The following CELF4 variants were observed in gnomAD, a reference collection of about 807,000 sequenced individuals.
CELF4 encodes CUG-BP- and ETR-3-like factor 4.
A neutral mutation model predicts 59.9 loss-of-function variants in CELF4; 18 were observed. The ratio of observed to expected loss-of-function variants is 0.30; its 90% CI spans 0.21 to 0.45. The LOEUF is 0.45. CELF4 is among the 20% of genes least tolerant of loss of function. The pLI is 1.00. For missense variants in CELF4, 456 were observed against 689.0 expected, an observed-to-expected ratio of 0.66 and a Z score of 3.79; for synonymous variants, 261 against 267.1, an observed-to-expected ratio of 0.98 and a Z score of 0.22.
rs2066949532 is a variant in CELF4 at position 37,253,612 on chromosome 18, G to C, written c.*44+155C>G. Among the ~76,000 whole-genome samples the C allele has an allele frequency of 2.6e-5, 4 of 152,142 alleles. No individual in the cohort carries two copies. The stretch of plus-strand genomic sequence containing the variant: ...TCTGCCGGGGTGACGGCAGCTCTGC[G>C]CCTGGCCCGAGGAGCAGGGCGAGGA... On this transcript the variant is annotated intron_variant, in intron 12 of 12. Coordinates refer to ENST00000420428, the MANE Select transcript of CELF4 (RefSeq NM_020180.4). This position sits in a 1 kb window ranked among gnomAD's most constrained non-coding sequence, Gnocchi z 4.5.
intron 1 of CELF4, among the ~76,000 whole-genome samples, chr18:37,550,944 T>C (rs1391699997): frequency 6.6e-6 from 1 of 152,202 alleles, no homozygotes; most frequent in African/African-American, 2.4e-5. Flanking sequence ...CCCAGTTTGA[T>C]TTGTCAGACC....
intron 2 of CELF4, among the ~76,000 whole-genome samples, chr18:37,453,014 C>A (rs2099768460): frequency 6.6e-6 from 1 of 152,238 alleles, no homozygotes; most frequent in Non-Finnish European, 1.5e-5. Context: ...TCCAGACCCT[C>A]CAGATGAGGC....
At chr18:37,550,084 G>GGA (rs566946633) in intron 1 of CELF4, among the ~76,000 whole-genome samples, 1 of 58,796 alleles carries the variant, frequency 1.7e-5, no homozygotes, top group Non-Finnish European at 2.9e-5. Flanking sequence ...TCCAATGGGT[G>GGA]GGGGGGGGGG....
At chr18:37,425,157 C>T (rs2099603965) in intron 2 of CELF4, among the ~76,000 whole-genome samples, 1 of 152,252 alleles carries the variant, frequency 6.6e-6, no homozygotes, top group Non-Finnish European at 1.5e-5. Context: ...CTCTGGGTTT[C>T]CTGTTCTGCC....
At chr18:37,546,242 T>C (rs1015127687) in intron 1 of CELF4, among the ~76,000 whole-genome samples, 1 of 152,048 alleles carries the variant, frequency 6.6e-6, no homozygotes, top group Non-Finnish European at 1.5e-5. Flanking sequence ...TTGCATACAC[T>C]CAGCATGTAT....
At chr18:37,563,857 C>A (rs1334815143) in intron 1 of CELF4, among the ~76,000 whole-genome samples, 1 of 152,198 alleles carries the variant, frequency 6.6e-6, no homozygotes, top group Non-Finnish European at 1.5e-5. Flanking sequence ...AAACTGCTCT[C>A]TGGGACTCCA....
chr18:37,379,164 G>A (rs1428495290), intron 2 of CELF4, among the ~76,000 whole-genome samples: 2 of 152,170 alleles, frequency 1.3e-5, no homozygotes, highest in Non-Finnish European at 1.5e-5. Context: ...GGCCTAGGCA[G>A]GCACCTAGTG....
intron 1 of CELF4, among the ~76,000 whole-genome samples, chr18:37,506,128 G>A (rs1441805154): frequency 1.3e-5 from 2 of 151,492 alleles, no homozygotes; most frequent in African/African-American, 2.4e-5. Context: ...CTCTTAGGCG[G>A]GTGGCTGAGC....
At chr18:37,322,665 C>A (rs966017620) in intron 2 of CELF4, among the ~76,000 whole-genome samples, 5 of 152,308 alleles carry the variant, frequency 3.3e-5, no homozygotes, top group Middle Eastern at 3.4e-3. Flanking sequence ...GGCTTCAGGG[C>A]TCACCGGGAG....
intron 2 of CELF4, among the ~76,000 whole-genome samples, chr18:37,468,848 A>C (rs2154602482): frequency 6.6e-6 from 1 of 152,240 alleles, no homozygotes; most frequent in East Asian, 1.9e-4. Flanking sequence ...CACTATCACG[A>C]GAACAGCATG....
At chr18:37,385,354 C>A (rs150882473) in intron 2 of CELF4, among the ~76,000 whole-genome samples, 301 of 100,252 alleles carry the variant, frequency 3.0e-3, no homozygotes, top group South Asian at 4.4e-3. Flanking sequence ...GACTCCATCT[C>A]AAAAAAAAAA....
intron 5 of CELF4, 122 bp downstream of exon 5, chr18:37,274,682 GC>G (rs777327439): frequency 6.7e-7 from 1 of 1,481,964 alleles, no homozygotes; most frequent in South Asian, 1.3e-5. Context: ...CTTGTCTGAG[GC>G]CCGGAATAAG....
chr18:37,428,396 G>C (rs2099627559), intron 2 of CELF4, among the ~76,000 whole-genome samples: 1 of 152,086 alleles, frequency 6.6e-6, no homozygotes, highest in South Asian at 2.1e-4. Flanking sequence ...GGAAGGTGAA[G>C]TCACATTCCT....
At chr18:37,349,950 G>A (rs1224829356) in intron 2 of CELF4, among the ~76,000 whole-genome samples, 1 of 152,140 alleles carries the variant, frequency 6.6e-6, no homozygotes, top group African/African-American at 2.4e-5. Context: ...GCAAGCGGTG[G>A]CCCCTCGATC....
At chr18:37,319,141 T>C (rs545100808) in intron 3 of CELF4, among the ~76,000 whole-genome samples, 1 of 152,252 alleles carries the variant, frequency 6.6e-6, no homozygotes, top group South Asian at 2.1e-4. Context: ...CCGTGTGAAC[T>C]GGGGGCTGCA....
intron 1 of CELF4, among the ~76,000 whole-genome samples, chr18:37,488,188 CT>C (rs939167042): frequency 2.8e-4 from 43 of 152,292 alleles, no homozygotes; most frequent in African/African-American, 1.0e-3. Context: ...AGACACTTCC[CT>C]TGACCACCCC....
At chr18:37,556,520 C>A (rs2099984855) in intron 1 of CELF4, among the ~76,000 whole-genome samples, 1 of 152,060 alleles carries the variant, frequency 6.6e-6, no homozygotes, top group African/African-American at 2.4e-5. Context: ...AGAAGGCATG[C>A]TTTTTGTGCT....
intron 2 of CELF4, among the ~76,000 whole-genome samples, chr18:37,323,438 G>T (rs2097193244): frequency 6.6e-6 from 1 of 152,212 alleles, no homozygotes; most frequent in African/African-American, 2.4e-5. Flanking sequence ...GGAACGTAAT[G>T]AAGTTCCTGG....
intron 2 of CELF4, among the ~76,000 whole-genome samples, chr18:37,377,030 AG>A (rs1199670427): frequency 8.5e-5 from 13 of 152,106 alleles, no homozygotes; most frequent in Middle Eastern, 3.4e-3. Flanking sequence ...TGGAGGAGGG[AG>A]GACAGAGGAA....
Sources: gnomAD v4.1 joint callset for allele counts (sites outside exome capture counted in the v4.1 genomes callset) on GRCh38, gnomAD v4.1.1 for gene constraint, Gnocchi (gnomAD v3.1) non-coding constraint, MANE v1.5 for transcripts, NCBI Gene and HGNC (gene_info 2026-07-23, HGNC 2026-07-21) for gene names.